Variants in CAMTA1 observed in about 807,000 individuals in gnomAD.
CAMTA1 encodes the protein calmodulin-binding transcription activator 1.
Under a neutral mutation model 170.9 loss-of-function variants are expected in CAMTA1, and 27 were observed. The ratio of observed to expected loss-of-function variants is 0.16; its 90% CI spans 0.12 to 0.22. CAMTA1 has a LOEUF of 0.22. Ranked by LOEUF, CAMTA1 falls within the 10% of genes least tolerant of loss-of-function variation. The pLI is 1.00. For synonymous variants in CAMTA1, 833 were observed against 891.5 expected (o/e 0.93, Z 1.17); for missense variants, 1,619 against 2,217.2 (o/e 0.73, Z 5.42).
At chr1:7,380,038 T>C (rs2087161768) in intron 5 of CAMTA1, among the ~76,000 whole-genome samples, 1 of 152,244 alleles carries the variant, frequency 6.6e-6, no homozygotes, top group Non-Finnish European at 1.5e-5. Context: ...ATGCCAGTGC[T>C]GAAGACAGGG....
At chr1:7,704,532 A>C (rs1334858027) in intron 11 of CAMTA1, among the ~76,000 whole-genome samples, 3 of 147,722 alleles carry the variant, frequency 2.0e-5, no homozygotes, top group Non-Finnish European at 3.0e-5. Flanking sequence ...CCCGCCGTCC[A>C]GCGCGGCTCG....
intron 5 of CAMTA1, among the ~76,000 whole-genome samples, chr1:7,432,978 ACCCGACAGACC>A (rs1242672653): frequency 2.6e-5 from 4 of 152,142 alleles, no homozygotes; most frequent in Non-Finnish European, 5.9e-5. Context: ...GGATCTCCAG[ACCCGACAGACC>A]CCCAGCCTTG....
rs987290545 is a variant in CAMTA1, at chr1:7,173,344, G to A, written c.303-76147G>A. Among the ~76,000 whole-genome samples, 2 of 152,114 alleles carry A rather than the reference G, an allele frequency of 1.3e-5. No individual in the cohort carries two copies. Among genetic ancestry groups the A allele is most frequent in the African/African-American group, 4.8e-5 (2 of 41,398 alleles). Reference sequence around the variant, plus strand: ...TGGCCGTGACTGAGGCTCCACGAACGCTGGCTCCCTTCTTAAATTTTTGTG... The same window carrying A: ...TGGCCGTGACTGAGGCTCCACGAACACTGGCTCCCTTCTTAAATTTTTGTG... On this transcript the variant is annotated intron_variant, in intron 4 of 22. Coordinates refer to ENST00000303635, the MANE Select transcript of CAMTA1 (RefSeq NM_015215.4). The surrounding 1 kb of genome is among the most constrained non-coding windows in gnomAD (Gnocchi z 5.4).
intron 6 of CAMTA1, among the ~76,000 whole-genome samples, chr1:7,479,970 T>G (rs1031765964): frequency 2.0e-5 from 3 of 151,824 alleles, no homozygotes; most frequent in Admixed American, 6.6e-5. Flanking sequence ...AGTACACAAG[T>G]GTGTATATAT....
intron 5 of CAMTA1, among the ~76,000 whole-genome samples, chr1:7,355,851 T>C (rs2085072754): frequency 6.6e-6 from 1 of 152,186 alleles, no homozygotes; most frequent in South Asian, 2.1e-4. Context: ...TGCACATCTG[T>C]TCCCACCCCA....
rs528168994 is a variant in CAMTA1 at position 7,547,902 on chromosome 1, A to G, written c.510+80001A>G. Reference sequence around the variant, plus strand: ...GTGTGGACCCCCCACTCACCCGTCAATATGCCCTTATGCTGTTGTAAGGAG... The same window carrying G: ...GTGTGGACCCCCCACTCACCCGTCAGTATGCCCTTATGCTGTTGTAAGGAG... On this transcript the variant is annotated intron_variant, in intron 6 of 22. Transcript: ENST00000303635. The surrounding 1 kb of genome is among the most constrained non-coding windows in gnomAD (Gnocchi z 5.7). 1.3e-5 allele frequency among the ~76,000 whole-genome samples: 2 copies of G among 152,172 alleles called. No homozygotes were observed. The highest frequency in any genetic ancestry group is 2.1e-4 in the South Asian group (1 of 4,818).
chr1:7,150,187 G>A (rs148088347), intron 4 of CAMTA1, among the ~76,000 whole-genome samples: 2 of 152,322 alleles, frequency 1.3e-5, no homozygotes, highest in Non-Finnish European at 2.9e-5. Context: ...GACCCGCATC[G>A]CCCTTTGCCT....
intron 3 of CAMTA1, among the ~76,000 whole-genome samples, chr1:6,859,029 A>G (rs1256566664): frequency 6.6e-6 from 1 of 152,232 alleles, no homozygotes; most frequent in African/African-American, 2.4e-5. Context: ...CAGTGTATGT[A>G]AAATATATAC....
intron 3 of CAMTA1, among the ~76,000 whole-genome samples, chr1:7,085,937 T>C (rs1640681071): frequency 6.6e-6 from 1 of 152,162 alleles, no homozygotes; most frequent in Non-Finnish European, 1.5e-5. Context: ...CAGTCCCCAG[T>C]CCTGCCCAGG....
At position 7,234,734 on chromosome 1, in the gene CAMTA1, A is replaced by G. The variant is rs1256924348; in HGVS notation, c.303-14757A>G. On this transcript the variant is annotated intron_variant, in intron 4 of 22. Transcript: ENST00000303635. The surrounding 1 kb of genome is among the most constrained non-coding windows in gnomAD (Gnocchi z 5.0). The stretch of plus-strand genomic sequence containing the variant: ...TTTCAGGGACCTCCAGAGACAATTT[A>G]TGTGAACAAACTGTGGCTTAACGAT... 6.6e-6 allele frequency among the ~76,000 whole-genome samples: 1 copy of G among 150,930 alleles called. No homozygotes were observed. The highest frequency in any genetic ancestry group is 2.4e-5 in the African/African-American group (1 of 41,018).
At chr1:7,594,142 G>GAAAGAAAGAAA (rs1557972603) in intron 6 of CAMTA1, among the ~76,000 whole-genome samples, 11 of 125,570 alleles carry the variant, frequency 8.8e-5, no homozygotes, top group African/African-American at 4.1e-4. Flanking sequence ...AAAGAAAGAA[G>GAAAGAAAGAAA]GAAGGAAGGA....
intron 3 of CAMTA1, among the ~76,000 whole-genome samples, chr1:6,927,726 C>T (rs983613145): frequency 2.2e-4 from 34 of 152,224 alleles, no homozygotes; most frequent in African/African-American, 8.0e-4. Flanking sequence ...GCTAGTGGGA[C>T]CAGTGGTGTC....
chr1:7,346,022 G>A (rs1279548885), intron 5 of CAMTA1, among the ~76,000 whole-genome samples: 1 of 152,180 alleles, frequency 6.6e-6, no homozygotes, highest in Non-Finnish European at 1.5e-5. Context: ...GAGAAGTCCA[G>A]GGACCAGCCC....
At chr1:6,962,425 G>A (rs1690608024) in intron 3 of CAMTA1, among the ~76,000 whole-genome samples, 1 of 126,178 alleles carries the variant, frequency 7.9e-6, no homozygotes, top group Non-Finnish European at 1.6e-5. Flanking sequence ...CCTCTTCCCC[G>A]GGCCCACCCT....
intron 10 of CAMTA1, among the ~76,000 whole-genome samples, chr1:7,675,398 G>A (rs2096107714): frequency 6.6e-6 from 1 of 152,208 alleles, no homozygotes; most frequent in African/African-American, 2.4e-5. Flanking sequence ...TTTAAGCAGG[G>A]AGTGGCTTGA....
At chr1:6,920,327 G>T (rs953038125) in intron 3 of CAMTA1, among the ~76,000 whole-genome samples, 2 of 152,206 alleles carry the variant, frequency 1.3e-5, no homozygotes, top group African/African-American at 4.8e-5. Flanking sequence ...CTTGTGTCTG[G>T]GTCACGATGG....
At chr1:7,352,587 G>T (rs1025901240) in intron 5 of CAMTA1, among the ~76,000 whole-genome samples, 1 of 152,140 alleles carries the variant, frequency 6.6e-6, no homozygotes, top group Non-Finnish European at 1.5e-5. Context: ...TCCACCCATG[G>T]GCCCCTTTCC....
chr1:7,468,981 A>T (rs1453730260), intron 6 of CAMTA1, among the ~76,000 whole-genome samples: 1 of 152,180 alleles, frequency 6.6e-6, no homozygotes, highest in Non-Finnish European at 1.5e-5. Context: ...GGCCGGAGCC[A>T]TGTCGATGTG....
intron 5 of CAMTA1, among the ~76,000 whole-genome samples, chr1:7,303,621 C>T (rs74052026): frequency 3.9e-5 from 6 of 152,278 alleles, no homozygotes; most frequent in African/African-American, 1.2e-4. Flanking sequence ...ACCCAGTGTT[C>T]TAGGTGCTGG....
Sources: allele counts gnomAD v4.1 joint callset (sites outside exome capture counted in the v4.1 genomes callset), GRCh38; gene constraint gnomAD v4.1.1; non-coding constraint Gnocchi (gnomAD v3.1); transcripts MANE v1.5; gene names NCBI Gene and HGNC (gene_info 2026-07-23, HGNC 2026-07-21).